ASB18: variants seen among roughly 807,000 people sequenced by gnomAD.
The protein encoded by ASB18 is ankyrin repeat and SOCS box containing 18.
In ASB18, 33 loss-of-function variants were observed where a neutral mutation model predicts 33.4. That is an observed-to-expected ratio of 0.99 (90% CI 0.75 to 1.32). The LOEUF (loss-of-function observed/expected upper bound fraction) is 1.32, where lower values mean the gene tolerates loss of function less well. Among genes scored for constraint, ASB18 ranks in the 40% most tolerant of loss-of-function variants. ASB18 has a pLI of 0.00. For synonymous variants in ASB18, 295 were observed against 307.6 expected (o/e 0.96, Z 0.43); for missense variants, 694 against 655.5 (o/e 1.06, Z -0.64).
chr2:236,222,237 C>T lies in ASB18; in HGVS notation c.597-7371G>A, dbSNP rs536622081. Among the ~76,000 whole-genome samples, 17 of 152,142 alleles carry T rather than the reference C, an allele frequency of 1.1e-4. No individual in the cohort carries two copies. Among genetic ancestry groups the T allele is most frequent in the Non-Finnish European group, 2.2e-4 (15 of 68,036 alleles). ...CATTTTCTTTTCTCTCCCTCTCTCC[C>T]GGGATGCTAAGCTATGAGACTATCA... On this transcript the variant is annotated intron_variant, in intron 3 of 5. Transcript: ENST00000409749. This position sits in a 1 kb window ranked among gnomAD's most constrained non-coding sequence, Gnocchi z 5.5.
Position 236,239,009 on chromosome 2 carries a change from A to G in ASB18, c.329-1053T>C, listed in dbSNP as rs898047953. ...CCAGCCTGGAGCTTGTTGTGCACTC[A>G]GTGGGGGAAGGGGGGCCTGTGGGAC... On this transcript the variant is annotated intron_variant, in intron 2 of 5. Transcript: ENST00000409749. The surrounding 1 kb of genome is among the most constrained non-coding windows in gnomAD (Gnocchi z 5.6). 5.3e-5 allele frequency among the ~76,000 whole-genome samples: 8 copies of G among 152,196 alleles called. No homozygotes were observed. Among genetic ancestry groups the G allele is most frequent in the African/African-American group, 1.7e-4 (7 of 41,544 alleles).
In ASB18 at chr2:236,226,595, T is replaced by G. The variant is rs2060541066; in HGVS notation, c.596+11094A>C. ...GGATATTAGATTCTATTGTTCAGTGTGTAAGCTGAGTAGCTCTGGTGGTCT... is the reference window on the plus strand; with the variant it reads ...GGATATTAGATTCTATTGTTCAGTGGGTAAGCTGAGTAGCTCTGGTGGTCT... On this transcript the variant is annotated intron_variant, in intron 3 of 5. Coordinates refer to ENST00000409749, the MANE Select transcript of ASB18 (RefSeq NM_212556.4). The surrounding 1 kb of genome is among the most constrained non-coding windows in gnomAD (Gnocchi z 4.8). Among the ~76,000 whole-genome samples the G allele has an allele frequency of 6.6e-6, 1 of 152,242 alleles. No individual in the cohort carries two copies. The highest frequency in any genetic ancestry group is 2.4e-5 in the African/African-American group (1 of 41,464).
Position 236,222,404 on chromosome 2 carries a change from T to C in ASB18, c.597-7538A>G, listed in dbSNP as rs1410076943. On this transcript the variant is annotated intron_variant, in intron 3 of 5. Transcript: ENST00000409749. This position sits in a 1 kb window ranked among gnomAD's most constrained non-coding sequence, Gnocchi z 5.5. ...CAATGGCTGCCAGCCATCTTATGTT[T>C]TTCTGAAGTGTGGGATGATTGCAGT... 2.0e-5 allele frequency among the ~76,000 whole-genome samples: 3 copies of C among 152,212 alleles called. No individual in the cohort carries two copies. The highest frequency in any genetic ancestry group is 4.4e-5 in the Non-Finnish European group (3 of 68,030).
At chr2:236,242,869 A>AG (rs1479778802) in intron 1 of ASB18, among the ~76,000 whole-genome samples, 1 of 151,368 alleles carries the variant, frequency 6.6e-6, no homozygotes, top group Non-Finnish European at 1.5e-5. Flanking sequence ...AAAAAAAAAA[A>AG]ATTAGCTGGG....
rs186859986 is a variant in ASB18, at chr2:236,194,410, T to C, written c.*462A>G. On this transcript the variant is annotated 3_prime_UTR_variant, in exon 6 of 6. Coordinates refer to ENST00000409749, the MANE Select transcript of ASB18 (RefSeq NM_212556.4). This position sits in a 1 kb window ranked among gnomAD's most constrained non-coding sequence, Gnocchi z 4.5. ...TCAATCTTTACTATTAGAATTGTAT[T>C]GGTCTTTATTTAGAAGTGTGGTGAT... 5.9e-5 allele frequency among the ~76,000 whole-genome samples: 9 copies of C among 152,356 alleles called. No individual in the cohort carries two copies. Among genetic ancestry groups the C allele is most frequent in the African/African-American group, 2.2e-4 (9 of 41,574 alleles).
chr2:236,209,377 ATCC>A lies in ASB18; in HGVS notation c.1101+4982_1101+4984del, dbSNP rs1057140868. ...AGCTTCCACCCCCTGGGTTTAGGTAATCCTCCTGTCTCAGCCTCCTGAGTAACT... is the reference window on the plus strand; with the variant it reads ...AGCTTCCACCCCCTGGGTTTAGGTAATCCTGTCTCAGCCTCCTGAGTAACT... On this transcript the variant is annotated intron_variant, in intron 4 of 5. Transcript: ENST00000409749. This position sits in a 1 kb window ranked among gnomAD's most constrained non-coding sequence, Gnocchi z 4.4. Among the ~76,000 whole-genome samples, 1 of 151,456 alleles carries A rather than the reference ATCC, an allele frequency of 6.6e-6. No homozygotes were observed. Among genetic ancestry groups the A allele is most frequent in the Non-Finnish European group, 1.5e-5 (1 of 67,946 alleles).
chr2:236,214,420 G>T lies in ASB18; in HGVS notation c.1043C>A (p.Thr348Lys). 1 of 1,562,508 alleles carries T rather than the reference G, an allele frequency of 6.4e-7. No individual in the cohort carries two copies. The highest frequency in any genetic ancestry group is 8.6e-7 in the Non-Finnish European group (1 of 1,160,808). Residue 348 changes from threonine (T) to lysine (K), a missense_variant, in exon 4 of 6, where the codon ACG becomes AAG. By Grantham distance (78) the Thr-to-Lys change is moderately conservative. Transcript: ENST00000409749. The surrounding 1 kb of genome is among the most constrained non-coding windows in gnomAD (Gnocchi z 6.5). ...GCCGTGGTTGAGCAGCGCCTGCACCGTGCGCTGCGGTGAGGCCTGGAGAGC... is the reference window on the plus strand; with the variant it reads ...GCCGTGGTTGAGCAGCGCCTGCACCTTGCGCTGCGGTGAGGCCTGGAGAGC... ...SCALQASPQR[T>K]VQALLNHGSP...
At position 236,223,306 on chromosome 2, in the gene ASB18, G is replaced by A. The variant is rs2060521226; in HGVS notation, c.597-8440C>T. On this transcript the variant is annotated intron_variant, in intron 3 of 5. Transcript: ENST00000409749. The surrounding 1 kb of genome is among the most constrained non-coding windows in gnomAD (Gnocchi z 4.6). ...GACTTTCTAGAAGCTTCATTGGTGT[G>A]CCTTCCTCAGTAAGGCATGCATAAC... 6.6e-6 allele frequency among the ~76,000 whole-genome samples: 1 copy of A among 152,154 alleles called. No homozygotes were observed. The highest frequency in any genetic ancestry group is 2.4e-5 in the African/African-American group (1 of 41,424).
In ASB18 at chr2:236,237,067, C is replaced by G. The variant is rs988623743; in HGVS notation, c.596+622G>C. ...GACCCCGCGCCCGGGCGCGAACTAG[C>G]TGAGCGGCCGCTGGGCCTCCCTAGA... is the stretch of plus-strand genomic sequence containing the variant. On this transcript the variant is annotated intron_variant, in intron 3 of 5. Coordinates refer to ENST00000409749, the MANE Select transcript of ASB18 (RefSeq NM_212556.4). This position sits in a 1 kb window ranked among gnomAD's most constrained non-coding sequence, Gnocchi z 6.2. 6.6e-6 allele frequency among the ~76,000 whole-genome samples: 1 copy of G among 152,030 alleles called. No individual in the cohort carries two copies. The highest frequency in any genetic ancestry group is 1.5e-5 in the Non-Finnish European group (1 of 67,962).
In ASB18 at chr2:236,251,520, A is replaced by G. The variant is rs1467327325; in HGVS notation, c.206-10118T>C. Among the ~76,000 whole-genome samples the G allele has an allele frequency of 2.0e-5, 3 of 152,148 alleles. No homozygotes were observed. Among genetic ancestry groups the G allele is most frequent in the Non-Finnish European group, 2.9e-5 (2 of 68,032 alleles). On this transcript the variant is annotated intron_variant, in intron 1 of 5. Coordinates refer to ENST00000409749, the MANE Select transcript of ASB18 (RefSeq NM_212556.4). This position sits in a 1 kb window ranked among gnomAD's most constrained non-coding sequence, Gnocchi z 5.3. ...TCTCTCTTGAAGTTGGTTTGCTTTGATTGTTCTGCCCTGTGATCCTTTATA... is the reference window on the plus strand; with the variant it reads ...TCTCTCTTGAAGTTGGTTTGCTTTGGTTGTTCTGCCCTGTGATCCTTTATA...
chr2:236,241,459 T>G lies in ASB18; in HGVS notation c.206-57A>C, dbSNP rs1323519978. On this transcript the variant is annotated intron_variant, in intron 1 of 5. Coordinates refer to ENST00000409749, the MANE Select transcript of ASB18 (RefSeq NM_212556.4). The surrounding 1 kb of genome is among the most constrained non-coding windows in gnomAD (Gnocchi z 4.2). ...CGGGGACCCTGCTCTAGCTTGAGGA[T>G]CCTTCTCTGTCTTTTGAAATATTTG... The G allele has an allele frequency of 6.2e-7, 1 of 1,606,744 alleles. No homozygotes were observed. Among genetic ancestry groups the G allele is most frequent in the African/African-American group, 1.3e-5 (1 of 74,952 alleles).
At position 236,219,761 on chromosome 2, in the gene ASB18, C is replaced by T. The variant is rs2060502628; in HGVS notation, c.597-4895G>A. Among the ~76,000 whole-genome samples the T allele has an allele frequency of 6.6e-6, 1 of 152,058 alleles. No homozygotes were observed. ...TTGCAGGTCTATGTCTGGGACCCAG[C>T]CTTGGCTGAGCCTTTTACTCCAAGG... On this transcript the variant is annotated intron_variant, in intron 3 of 5. Transcript: ENST00000409749. The surrounding 1 kb of genome is among the most constrained non-coding windows in gnomAD (Gnocchi z 6.4).
At position 236,215,550 on chromosome 2, in the gene ASB18, C is replaced by T. The variant is rs6431438; in HGVS notation, c.597-684G>A. Among the ~76,000 whole-genome samples, 4,027 of 152,190 alleles carry T rather than the reference C, an allele frequency of 0.026. 173 individuals carry two copies. Among genetic ancestry groups the T allele is most frequent in the African/African-American group, 0.089 (3,683 of 41,494 alleles). The stretch of plus-strand genomic sequence containing the variant: ...GCTTCTAGACCCCCATGGGAGCCTG[C>T]GGTCTTCCCCAGAGACGAGTGTCTT... On this transcript the variant is annotated intron_variant, in intron 3 of 5. Transcript: ENST00000409749. This position sits in a 1 kb window ranked among gnomAD's most constrained non-coding sequence, Gnocchi z 7.2.
At position 236,244,676 on chromosome 2, in the gene ASB18, C is replaced by T. The variant is rs1027040825; in HGVS notation, c.206-3274G>A. On this transcript the variant is annotated intron_variant, in intron 1 of 5. Coordinates refer to ENST00000409749, the MANE Select transcript of ASB18 (RefSeq NM_212556.4). This position sits in a 1 kb window ranked among gnomAD's most constrained non-coding sequence, Gnocchi z 6.1. ...CCAGAGCAGGCTTTCTGTGTGGGCT[C>T]TTTATTTGGAAGAGTAACCTGGCTT... 1.3e-5 allele frequency among the ~76,000 whole-genome samples: 2 copies of T among 152,156 alleles called. No individual in the cohort carries two copies. Among genetic ancestry groups the T allele is most frequent in the South Asian group, 2.1e-4 (1 of 4,810 alleles).
intron 3 of ASB18, among the ~76,000 whole-genome samples, chr2:236,233,992 A>G (rs941451335): frequency 2.1e-4 from 32 of 152,222 alleles, no homozygotes; most frequent in Admixed American, 5.2e-4. Flanking sequence ...CCTGACTTCA[A>G]AATTTATTAT....
chr2:236,210,569 TGCA>T (rs1288651475), intron 4 of ASB18: 2 of 152,264 alleles, frequency 1.3e-5, no homozygotes, highest in African/African-American at 4.8e-5. Context: ...TACAGTCACC[TGCA>T]GGTGCGTTTT....
At chr2:236,198,460 C>T (rs968794793) in intron 4 of ASB18, among the ~76,000 whole-genome samples, 1 of 152,222 alleles carries the variant, frequency 6.6e-6, no homozygotes, top group Admixed American at 6.5e-5. Context: ...CCTCTGCCTC[C>T]CAGTTCAAGC....
At position 236,257,390 on chromosome 2, in the gene ASB18, G is replaced by A. The variant is rs923557412; in HGVS notation, c.205+6751C>T. Among the ~76,000 whole-genome samples the A allele has an allele frequency of 6.6e-6, 1 of 152,186 alleles. No individual in the cohort carries two copies. Among genetic ancestry groups the A allele is most frequent in the African/African-American group, 2.4e-5 (1 of 41,454 alleles). ...GAGCGCTTCTCCTCCTGCCTGCCCT[G>A]CCGTGGGTGACCTCTCGCTTCCCAT... On this transcript the variant is annotated intron_variant, in intron 1 of 5. Coordinates refer to ENST00000409749, the MANE Select transcript of ASB18 (RefSeq NM_212556.4). The surrounding 1 kb of genome is among the most constrained non-coding windows in gnomAD (Gnocchi z 5.5).
At position 236,203,672 on chromosome 2, in the gene ASB18, C is replaced by A. The variant is rs1313807174; in HGVS notation, c.1102-7287G>T. On this transcript the variant is annotated intron_variant, in intron 4 of 5. Transcript: ENST00000409749. The surrounding 1 kb of genome is among the most constrained non-coding windows in gnomAD (Gnocchi z 6.0). Reference sequence around the variant, plus strand: ...CTTGAGTCTAGGAGTTTGAGACTAGCCTGGGCAACATGGAGAAACCCTGTT... The same window carrying A: ...CTTGAGTCTAGGAGTTTGAGACTAGACTGGGCAACATGGAGAAACCCTGTT... Among the ~76,000 whole-genome samples, 1 of 152,052 alleles carries A rather than the reference C, an allele frequency of 6.6e-6. No homozygotes were observed. Among genetic ancestry groups the A allele is most frequent in the East Asian group, 1.9e-4 (1 of 5,164 alleles).
Sources: gnomAD v4.1 joint callset for allele counts (sites outside exome capture counted in the v4.1 genomes callset) on GRCh38, gnomAD v4.1.1 for gene constraint, Gnocchi (gnomAD v3.1) non-coding constraint, MANE v1.5 for transcripts, NCBI Gene and HGNC (gene_info 2026-07-23, HGNC 2026-07-21) for gene names.